Variants in CSMD1 observed in about 807,000 individuals in gnomAD.
CSMD1 encodes CUB and Sushi multiple domains 1, also known as CUB and sushi domain-containing protein 1.
In CSMD1, 213 loss-of-function variants were observed where a neutral mutation model predicts 417.5. That is an observed-to-expected ratio of 0.51 (90% confidence interval 0.46 to 0.57). The LOEUF is 0.57. CSMD1 is among the 20% of genes least tolerant of loss of function. The probability of loss-of-function intolerance (pLI) is 0.00; values close to 1 mark genes in which losing one functional copy is unlikely to be tolerated. For synonymous variants in CSMD1, 2,862 were observed against 1,736.8 expected (o/e 1.65, Z -16.11); for missense variants, 6,923 against 4,529.7 (o/e 1.53, Z -15.17).
chr8:4,362,717 A>T (rs2128908362), intron 3 of CSMD1, among the ~76,000 whole-genome samples: 1 of 152,332 alleles, frequency 6.6e-6, no homozygotes, highest in Middle Eastern at 3.4e-3. Context: ...AGAGAAAAGG[A>T]CTTTCTTTAC....
intron 2 of CSMD1, among the ~76,000 whole-genome samples, chr8:4,565,749 C>CATATATATATAT (rs58696547): frequency 8.4e-6 from 1 of 118,442 alleles, no homozygotes; most frequent in Non-Finnish European, 1.7e-5. Context: ...AAAATATATA[C>CATATATATATAT]ATATATATAT....
At chr8:2,971,736 G>T (rs1667929313) in intron 57 of CSMD1, among the ~76,000 whole-genome samples, 1 of 152,116 alleles carries the variant, frequency 6.6e-6, no homozygotes, top group Admixed American at 6.6e-5. Context: ...ATTTGCATTT[G>T]ATTAACAAAT....
At chr8:4,384,757 C>G (rs762742886) in intron 3 of CSMD1, among the ~76,000 whole-genome samples, 10 of 152,200 alleles carry the variant, frequency 6.6e-5, no homozygotes, top group Non-Finnish European at 1.0e-4. Flanking sequence ...TTCACATCAG[C>G]AATTCCTACC....
At chr8:3,820,795 G>C (rs1424601276) in intron 5 of CSMD1, among the ~76,000 whole-genome samples, 1 of 152,090 alleles carries the variant, frequency 6.6e-6, no homozygotes, top group Non-Finnish European at 1.5e-5. Context: ...TGTTGGCCAG[G>C]CTGATCTCCA....
At chr8:3,322,499 G>A (rs957464323) in intron 23 of CSMD1, among the ~76,000 whole-genome samples, 1 of 152,178 alleles carries the variant, frequency 6.6e-6, no homozygotes, top group Non-Finnish European at 1.5e-5. Context: ...AAGGGTTCTG[G>A]AAGTTTCCAG....
chr8:3,677,674 C>A (rs1799446464), intron 7 of CSMD1, among the ~76,000 whole-genome samples: 1 of 152,118 alleles, frequency 6.6e-6, no homozygotes, highest in South Asian at 2.1e-4. Context: ...TCCTTTAGGG[C>A]TCTTTGGCCA....
At chr8:3,459,709 A>C (rs1386885816) in intron 12 of CSMD1, among the ~76,000 whole-genome samples, 4 of 152,136 alleles carry the variant, frequency 2.6e-5, no homozygotes, top group Non-Finnish European at 5.9e-5. Context: ...GGGTTCCGAA[A>C]GGTCATCATT....
chr8:4,714,045 T>C (rs1170605188), intron 1 of CSMD1, among the ~76,000 whole-genome samples: 2 of 151,948 alleles, frequency 1.3e-5, no homozygotes, highest in Non-Finnish European at 2.9e-5. Flanking sequence ...CTCGGGAGAC[T>C]GAGGCAGGAG....
intron 2 of CSMD1, among the ~76,000 whole-genome samples, chr8:4,625,930 G>A (rs543128286): frequency 6.6e-6 from 1 of 152,050 alleles, no homozygotes; most frequent in African/African-American, 2.4e-5. Context: ...CACCATGTTG[G>A]CCAGGCTGGT....
intron 5 of CSMD1, chr8:3,949,806 C>G: frequency 1.4e-5 from 6 of 417,956 alleles, no homozygotes; most frequent in South Asian, 1.0e-4. Flanking sequence ...ACATGGAAAG[C>G]TGGGGCAATG....
At chr8:3,682,833 A>C (rs537191824) in intron 7 of CSMD1, among the ~76,000 whole-genome samples, 3 of 152,358 alleles carry the variant, frequency 2.0e-5, no homozygotes, top group East Asian at 3.9e-4. Flanking sequence ...AAAATGTGGC[A>C]CATATACACC....
At chr8:3,920,538 G>C (rs1013554156) in intron 5 of CSMD1, among the ~76,000 whole-genome samples, 4 of 152,080 alleles carry the variant, frequency 2.6e-5, no homozygotes, top group African/African-American at 9.7e-5. Context: ...GGCACGAGTA[G>C]GCAACTTGTC....
chr8:4,467,572 A>T (rs1243194879), intron 2 of CSMD1, among the ~76,000 whole-genome samples: 2 of 152,212 alleles, frequency 1.3e-5, no homozygotes, highest in Non-Finnish European at 2.9e-5. Context: ...TATTTTAAGA[A>T]ACAAATATTT....
chr8:4,569,434 G>C (rs1286465122), intron 2 of CSMD1, among the ~76,000 whole-genome samples: 2 of 152,150 alleles, frequency 1.3e-5, no homozygotes, highest in East Asian at 1.9e-4. Flanking sequence ...TGTCAGGTTT[G>C]TCAAACATCA....
intron 6 of CSMD1, among the ~76,000 whole-genome samples, chr8:3,752,676 C>G (rs1169596410): frequency 6.2e-5 from 6 of 96,938 alleles, no homozygotes; most frequent in Non-Finnish European, 9.7e-5. Context: ...CCCCGCCTGG[C>G]AAAAAAAAAA....
rs112759030 is a variant in CSMD1 at position 3,129,686 on chromosome 8, T to A, written c.6242-11099A>T. Among the ~76,000 whole-genome samples, 1,280 of 138,202 alleles carry A rather than the reference T, an allele frequency of 9.3e-3. 9 individuals carry two copies. The highest frequency in any genetic ancestry group is 0.027 in the East Asian group (129 of 4,736). 90.7% of individuals were successfully genotyped at this position (138,202 alleles called of 152,430 possible). A position where few individuals can be genotyped will look rare whatever the true frequency, so the allele number is the denominator to read the frequency against. The stretch of plus-strand genomic sequence containing the variant: ...GCTACTCAGCAACAAAACCATTTTT[T>A]AAAAAAAAACTGTGGAGCTGGGCCG... On this transcript the variant is annotated intron_variant, in intron 41 of 69. Transcript: ENST00000635120.
intron 7 of CSMD1, 21 bp from the exon 8 acceptor site, chr8:3,616,818 G>C (rs189489189): frequency 6.4e-7 from 1 of 1,557,020 alleles, no homozygotes; most frequent in Non-Finnish European, 8.8e-7. Flanking sequence ...CAGAAACATT[G>C]TCAAAATGCT....
chr8:3,861,489 G>C (rs994850977), intron 5 of CSMD1, among the ~76,000 whole-genome samples: 7 of 152,182 alleles, frequency 4.6e-5, no homozygotes, highest in African/African-American at 1.7e-4. Flanking sequence ...TTGGACTCGT[G>C]AGGGCTGTGC....
intron 1 of CSMD1, among the ~76,000 whole-genome samples, chr8:4,653,594 A>C (rs1804044758): frequency 6.6e-6 from 1 of 152,094 alleles, no homozygotes; most frequent in African/African-American, 2.4e-5. Context: ...ACATGCATTA[A>C]AATAGTCCCA....
Sources: gnomAD v4.1 joint callset for allele counts (sites outside exome capture counted in the v4.1 genomes callset) on GRCh38, gnomAD v4.1.1 for gene constraint, MANE v1.5 for transcripts, NCBI Gene and HGNC (gene_info 2026-07-23, HGNC 2026-07-21) for gene names.